The following OAS3 variants were observed in gnomAD, a reference collection of about 807,000 sequenced individuals.
OAS3 encodes 2'-5'-oligoadenylate synthetase 3.
A neutral mutation model predicts 113.0 loss-of-function variants in OAS3; 107 were observed. The ratio of observed to expected loss-of-function variants is 0.95; its 90% CI spans 0.81 to 1.11. The LOEUF (loss-of-function observed/expected upper bound fraction) is 1.11, where lower values mean the gene tolerates loss of function less well. Among genes scored for constraint, OAS3 ranks in the 50% most tolerant of loss-of-function variants. OAS3 has a pLI of 0.00. For synonymous variants in OAS3, 552 were observed against 573.6 expected (o/e 0.96, Z 0.54); for missense variants, 1,258 against 1,389.1 (o/e 0.91, Z 1.50).
intron 14 of OAS3, 142 bp downstream of exon 14, chr12:112,968,316 G>A: frequency 8.5e-7 from 1 of 1,174,668 alleles, no homozygotes; most frequent in Non-Finnish European, 1.1e-6. Context: ...AGTACCTGAG[G>A]GACAAACGGT....
rs2043709249 is a variant in OAS3, at chr12:112,944,511, G to A, written c.496G>A (p.Val166Ile). ...CTCCGGCGTCAAACCCAAGCCACAAGTCTACTCTACCCTCCTCAACAGTGG... is the reference window on the plus strand; with the variant it reads ...CTCCGGCGTCAAACCCAAGCCACAAATCTACTCTACCCTCCTCAACAGTGG... The part of the protein sequence containing the change: ...AGSGVKPKPQ[V>I]YSTLLNSGCQ... Residue 166 changes from valine (V) to isoleucine (I), a missense_variant, in exon 3 of 16, where the codon GTC becomes ATC. Transcript: ENST00000228928. 6 of 1,613,958 alleles carry A rather than the reference G, an allele frequency of 3.7e-6. No homozygotes were observed. The highest frequency in any genetic ancestry group is 3.3e-5 in the Admixed American group (2 of 60,010).
chr12:112,962,415 A>C (rs1455232277), intron 8 of OAS3, among the ~76,000 whole-genome samples: 1 of 152,216 alleles, frequency 6.6e-6, no homozygotes, highest in Non-Finnish European at 1.5e-5. Flanking sequence ...AATTTCCTTG[A>C]GGGGAGACAC....
At chr12:112,958,999 C>T (rs533777472) in intron 7 of OAS3, among the ~76,000 whole-genome samples, 13 of 152,340 alleles carry the variant, frequency 8.5e-5, no homozygotes, top group South Asian at 2.1e-4. Flanking sequence ...CCACCCAGTT[C>T]GAGCTTCCCA....
chr12:112,941,453 A>G (rs1365509313), intron 1 of OAS3, 117 bp from the exon 2 acceptor site: 23 of 1,150,348 alleles, frequency 2.0e-5, no homozygotes, highest in Non-Finnish European at 2.8e-5. Context: ...TTCAATGCCT[A>G]CAGCCATGTG....
chr12:112,962,736 T>C lies in OAS3; in HGVS notation c.1918T>C (p.Trp640Arg), dbSNP rs762398704. Residue 640 changes from tryptophan to arginine, a missense_variant, in exon 9 of 16, where the codon TGG (tryptophan) becomes CGG (arginine). Trp to Arg is a moderately radical substitution (Grantham distance 101). Transcript: ENST00000228928. The part of the protein sequence containing the change: ...YALELLTIFA[W>R]EQGCRQDCFN... ...CCTGGAGCTCCTCACCATCTTTGCC[T>C]GGGAGCAGGGCTGCAGGCAGGATTG... 2 of 1,614,000 alleles carry C rather than the reference T, an allele frequency of 1.2e-6. No individual in the cohort carries two copies. The highest frequency in any genetic ancestry group is 1.7e-6 in the Non-Finnish European group (2 of 1,179,880).
At chr12:112,947,006 G>A (rs769041819) in intron 4 of OAS3, 25 bp downstream of exon 4, 2 of 1,589,700 alleles carry the variant, frequency 1.3e-6, no homozygotes, top group East Asian at 4.5e-5. Flanking sequence ...CCCACCATCT[G>A]CTCTCCTGTC....
At chr12:112,966,898 CCTT>C (rs2043939029) in intron 12 of OAS3, among the ~76,000 whole-genome samples, 1 of 152,204 alleles carries the variant, frequency 6.6e-6, no homozygotes, top group South Asian at 2.1e-4. Flanking sequence ...CCTGCAGTGG[CCTT>C]CGAGAGTGCT....
At chr12:112,946,661 G>C in intron 3 of OAS3, 82 bp from the exon 4 acceptor site, 1 of 1,255,580 alleles carries the variant, frequency 8.0e-7, no homozygotes, top group South Asian at 1.4e-5. Flanking sequence ...GGCCTGGAAG[G>C]TCCCCAGTCT....
Position 112,966,667 on chromosome 12 carries a change from G to C in OAS3, c.2689+638G>C, listed in dbSNP as rs2043936769. ...TGCAGAATTTTTTTTTAAGAGACAGGGTCTTACTTTATCACCTGGCCTGGA... is the reference window on the plus strand; with the variant it reads ...TGCAGAATTTTTTTTTAAGAGACAGCGTCTTACTTTATCACCTGGCCTGGA... On this transcript the variant is annotated intron_variant, in intron 12 of 15. Transcript: ENST00000228928. Among the ~76,000 whole-genome samples the C allele has an allele frequency of 2.6e-5, 4 of 152,060 alleles. No individual in the cohort carries two copies. The South Asian group carries it at 6.2e-4, about 24-fold the overall frequency.
intron 10 of OAS3, 38 bp from the exon 11 acceptor site, chr12:112,964,197 C>G (rs1389123592): frequency 2.6e-6 from 4 of 1,549,334 alleles, no homozygotes; most frequent in Non-Finnish European, 3.5e-6. Context: ...CACTGGGAGT[C>G]CCGTCTCAAG....
intron 1 of OAS3, among the ~76,000 whole-genome samples, chr12:112,941,244 T>C (rs2043676236): frequency 6.6e-6 from 1 of 152,152 alleles, no homozygotes; most frequent in Admixed American, 6.5e-5. Context: ...CGTGTGCCTG[T>C]AGTCTCAACT....
rs2043999396 is a variant in OAS3 at position 112,973,052 on chromosome 12, A to T, written c.*3079A>T. ...TATTCATAAGACTTATATCCAGCATATTCATAACTAGAGCCATATCACAGA... is the reference window on the plus strand; with the variant it reads ...TATTCATAAGACTTATATCCAGCATTTTCATAACTAGAGCCATATCACAGA... On this transcript the variant is annotated 3_prime_UTR_variant, in exon 16 of 16. Transcript: ENST00000228928. 6.6e-6 allele frequency: 1 copy of T among 152,192 alleles called. No individual in the cohort carries two copies. Among genetic ancestry groups the T allele is most frequent in the Non-Finnish European group, 1.5e-5 (1 of 68,028 alleles). The allele number at this position is 152,192 out of a possible 1,614,324, so 9.4% of individuals were successfully genotyped here.
chr12:112,955,094 G>A (rs1469087350), intron 7 of OAS3, among the ~76,000 whole-genome samples: 1 of 152,162 alleles, frequency 6.6e-6, no homozygotes, highest in Non-Finnish European at 1.5e-5. Flanking sequence ...TTGTGAATGG[G>A]AGTTCACTCA....
rs766121413 is a variant in OAS3, at chr12:112,949,230, G to GC, written c.1374+25_1374+26insC. ...AGTGAGTTGGGCCAGTGGAGACACA[G>GC]GGGGGACCCTATCGAGGGATCAGCG... On this transcript the variant is annotated intron_variant, in intron 6 of 15. Transcript: ENST00000228928. The GC allele has an allele frequency of 3.0e-4, 436 of 1,463,598 alleles. 2 individuals are homozygous for GC. The highest frequency in any genetic ancestry group is 5.6e-4 in the East Asian group (22 of 39,628). 90.7% of individuals were successfully genotyped at this position (1,463,598 alleles called of 1,614,324 possible). A position where few individuals can be genotyped will look rare whatever the true frequency, so the allele number is the denominator to read the frequency against.
intron 7 of OAS3, among the ~76,000 whole-genome samples, chr12:112,957,075 C>A (rs2043841649): frequency 6.6e-6 from 1 of 152,120 alleles, no homozygotes; most frequent in African/African-American, 2.4e-5. Context: ...TGAATTGATC[C>A]CTTTACCATT....
rs1248721480 is a variant in OAS3 at position 112,954,270 on chromosome 12, CTGTT to C, written c.1657+3308_1657+3311del. On this transcript the variant is annotated intron_variant, in intron 7 of 15. Coordinates refer to ENST00000228928, the MANE Select transcript of OAS3 (RefSeq NM_006187.4). This position sits in a 1 kb window ranked among gnomAD's most constrained non-coding sequence, Gnocchi z 4.0. ...AATCCTTTCCCCATTTCTTGTTTGT[CTGTT>C]TGTTTGTTTGTTGTTGTTGTTGTTG... Among the ~76,000 whole-genome samples, 59 of 150,772 alleles carry C rather than the reference CTGTT, an allele frequency of 3.9e-4. No individual in the cohort carries two copies. Among genetic ancestry groups the C allele is most frequent in the African/African-American group, 1.2e-3 (49 of 41,134 alleles).
In OAS3 at chr12:112,958,500, T is replaced by C. The variant is rs566319676; in HGVS notation, c.1658-2571T>C. Among the ~76,000 whole-genome samples, 218 of 152,386 alleles carry C rather than the reference T, an allele frequency of 1.4e-3. 1 individual carries two copies. The highest frequency in any genetic ancestry group is 4.2e-3 in the African/African-American group (174 of 41,598). On this transcript the variant is annotated intron_variant, in intron 7 of 15. Coordinates refer to ENST00000228928, the MANE Select transcript of OAS3 (RefSeq NM_006187.4). ...TTTATCTACCTTTGGTCTTTGATGA[T>C]GGTGACGTACAGATGGGATTTTGGT... is the stretch of plus-strand genomic sequence containing the variant.
At position 112,941,639 on chromosome 12, in the gene OAS3, TGCTTCAAGA is replaced by T. The variant is rs754111242; in HGVS notation, c.251_259del (p.Phe84_Ser86del). 6.2e-7 allele frequency: 1 copy of T among 1,614,076 alleles called. No homozygotes were observed. The highest frequency in any genetic ancestry group is 1.1e-5 in the South Asian group (1 of 91,088). ...TTCTGAACTTGTCATCTTCCTCGAC[TGCTTCAAGA>T]GCTATGTGGACCAGAGGGCCCGCCG... On this transcript the variant is annotated inframe_deletion, in exon 2 of 16. Transcript: ENST00000228928.
chr12:112,961,330 T>G, intron 8 of OAS3, 84 bp downstream of exon 8: 5 of 1,233,578 alleles, frequency 4.1e-6, no homozygotes, highest in Non-Finnish European at 5.6e-6. Flanking sequence ...TACACCCACA[T>G]CTCCCCTCCT....
Sources: gnomAD v4.1 joint callset for allele counts (sites outside exome capture counted in the v4.1 genomes callset) on GRCh38, gnomAD v4.1.1 for gene constraint, Gnocchi (gnomAD v3.1) non-coding constraint, MANE v1.5 for transcripts, NCBI Gene and HGNC (gene_info 2026-07-23, HGNC 2026-07-21) for gene names.